GABRA4: variants seen among roughly 807,000 people sequenced by gnomAD.
GABRA4 encodes the protein gamma-aminobutyric acid receptor subunit alpha-4.
GABRA4 carries 12 observed loss-of-function variants against 49.7 expected under a neutral mutation model. The observed-to-expected ratio is 0.24, with a 90% CI of 0.15 to 0.39. The LOEUF is 0.39. Among genes scored for constraint, GABRA4 ranks in the 10% least tolerant of loss-of-function variants. The pLI, the probability that GABRA4 is intolerant of heterozygous loss-of-function variation, is 1.00. For synonymous variants in GABRA4, 288 were observed against 240.2 expected, an observed-to-expected ratio of 1.20 and a Z score of -1.84; for missense variants, 506 against 686.0, an observed-to-expected ratio of 0.74 and a Z score of 2.93.
In GABRA4 at chr4:46,988,109, C is replaced by T. The variant is rs540863820; in HGVS notation, c.205+4719G>A. 4.9e-4 allele frequency among the ~76,000 whole-genome samples: 75 copies of T among 152,244 alleles called. 1 individual carries two copies. Among genetic ancestry groups the T allele is most frequent in the African/African-American group, 1.7e-3 (71 of 41,568 alleles). ...TTTGTTCTCTCTGAGAATTACTTTT[C>T]TCTTACTCTTTTCATGTCTGACACC... On this transcript the variant is annotated intron_variant, in intron 2 of 8. Coordinates refer to ENST00000264318, the MANE Select transcript of GABRA4 (RefSeq NM_000809.4).
intron 2 of GABRA4, among the ~76,000 whole-genome samples, chr4:46,984,934 T>C (rs992828182): frequency 7.4e-4 from 113 of 152,112 alleles, no homozygotes; most frequent in African/African-American, 2.6e-3. Flanking sequence ...TTTCTTGATA[T>C]ATATGCAAAA....
intron 8 of GABRA4, among the ~76,000 whole-genome samples, chr4:46,942,174 G>C (rs755599770): frequency 6.6e-6 from 1 of 152,036 alleles, no homozygotes; most frequent in Non-Finnish European, 1.5e-5. Context: ...GGTGATACAA[G>C]TATAGAAAAA....
chr4:46,942,532 T>C (rs1721839976), intron 8 of GABRA4, among the ~76,000 whole-genome samples: 2 of 150,836 alleles, frequency 1.3e-5, no homozygotes, highest in Admixed American at 1.3e-4. Flanking sequence ...GGCTGAGGCA[T>C]GAGAATTGCT....
intron 2 of GABRA4, among the ~76,000 whole-genome samples, chr4:46,987,496 G>C (rs1344771358): frequency 6.6e-6 from 1 of 151,868 alleles, no homozygotes; most frequent in African/African-American, 2.4e-5. Flanking sequence ...AACTTATGAG[G>C]GCAGGAAATC....
At chr4:46,973,059 T>G (rs1170060546) in intron 6 of GABRA4, among the ~76,000 whole-genome samples, 2 of 151,812 alleles carry the variant, frequency 1.3e-5, no homozygotes, top group Non-Finnish European at 2.9e-5. Context: ...GCAAATACAT[T>G]GTACTTAAAC....
Position 46,927,845 on chromosome 4 carries a change from C to A in GABRA4, c.*380G>T. Reference sequence around the variant, plus strand: ...TAAACAATTCTGGTTAAGGGTAGTGCCACTGGGAAATTTAGGGTGGCAGGT... The same window carrying A: ...TAAACAATTCTGGTTAAGGGTAGTGACACTGGGAAATTTAGGGTGGCAGGT... On this transcript the variant is annotated 3_prime_UTR_variant, in exon 9 of 9. Transcript: ENST00000264318. 1 of 171,356 alleles carries A rather than the reference C, an allele frequency of 5.8e-6. No homozygotes were observed. Among genetic ancestry groups the A allele is most frequent in the Non-Finnish European group, 1.3e-5 (1 of 79,964 alleles). The allele number at this position is 171,356 out of a possible 1,614,324, so 10.6% of individuals were successfully genotyped here.
At chr4:46,971,712 A>G (rs1023231771) in intron 6 of GABRA4, among the ~76,000 whole-genome samples, 8 of 150,724 alleles carry the variant, frequency 5.3e-5, no homozygotes, top group African/African-American at 1.9e-4. Flanking sequence ...ACATATTTAT[A>G]TATAAATATA....
Position 46,923,646 on chromosome 4 carries a change from G to C in GABRA4, c.*4579C>G, listed in dbSNP as rs1721112617. On this transcript the variant is annotated 3_prime_UTR_variant, in exon 9 of 9. Coordinates refer to ENST00000264318, the MANE Select transcript of GABRA4 (RefSeq NM_000809.4). ...AAAGAAAAAATAAGAGATCTCAACT[G>C]TTCCACTACCTCTAGATTTGTGGCC... 1 of 152,084 alleles carries C rather than the reference G, an allele frequency of 6.6e-6. No homozygotes were observed. Among genetic ancestry groups the C allele is most frequent in the Non-Finnish European group, 1.5e-5 (1 of 68,010 alleles). The allele number at this position is 152,084 out of a possible 1,614,324, so 9.4% of individuals were successfully genotyped here. A position where few individuals can be genotyped will look rare whatever the true frequency, so the allele number is the denominator to read the frequency against.
chr4:46,928,218 A>G lies in GABRA4; in HGVS notation c.*7T>C, dbSNP rs752816038. 8 of 1,594,148 alleles carry G rather than the reference A, an allele frequency of 5.0e-6. No homozygotes were observed. Among genetic ancestry groups the G allele is most frequent in the Admixed American group, 3.4e-5 (2 of 58,206 alleles). The stretch of plus-strand genomic sequence containing the variant: ...TCATCTTTTAGCAAACTACTATAGC[A>G]ACGAAATTACATTAGACTTTCTGAT... On this transcript the variant is annotated 3_prime_UTR_variant, in exon 9 of 9. Coordinates refer to ENST00000264318, the MANE Select transcript of GABRA4 (RefSeq NM_000809.4).
rs1171065748 is a variant in GABRA4 at position 46,926,314 on chromosome 4, A to G, written c.*1911T>C. ...TACTCTTTATTAAATATATACATAT[A>G]TACAGGTGTTACTGGACCTAATTTT... On this transcript the variant is annotated 3_prime_UTR_variant, in exon 9 of 9. Coordinates refer to ENST00000264318, the MANE Select transcript of GABRA4 (RefSeq NM_000809.4). The G allele has an allele frequency of 6.6e-6, 1 of 151,946 alleles. No homozygotes were observed. The allele number at this position is 151,946 out of a possible 1,614,324, so 9.4% of individuals were successfully genotyped here. A position where few individuals can be genotyped will look rare whatever the true frequency, so the allele number is the denominator to read the frequency against.
chr4:46,987,504 A>G (rs1362517955), intron 2 of GABRA4, among the ~76,000 whole-genome samples: 2 of 152,102 alleles, frequency 1.3e-5, no homozygotes, highest in African/African-American at 4.8e-5. Context: ...AGGGCAGGAA[A>G]TCGTGCAGTC....
At chr4:46,984,859 C>T (rs1341253440) in intron 2 of GABRA4, among the ~76,000 whole-genome samples, 1 of 151,914 alleles carries the variant, frequency 6.6e-6, no homozygotes, top group Non-Finnish European at 1.5e-5. Context: ...TTTGTAAACT[C>T]ATCATGAAAA....
chr4:46,967,340 T>C (rs1006079334), intron 7 of GABRA4, among the ~76,000 whole-genome samples: 4 of 151,514 alleles, frequency 2.6e-5, no homozygotes, highest in Admixed American at 6.6e-5. Flanking sequence ...TAAGATTCCC[T>C]ATGTTACTTT....
chr4:46,921,378 A>G lies in GABRA4; in HGVS notation c.*6847T>C, dbSNP rs1489342430. The G allele has an allele frequency of 6.6e-6, 1 of 152,086 alleles. No homozygotes were observed. The highest frequency in any genetic ancestry group is 1.5e-5 in the Non-Finnish European group (1 of 67,968). 9.4% of individuals were successfully genotyped at this position (152,086 alleles called of 1,614,324 possible). ...GAAAAGTAAAGCCCAAGAGGGAAAA[A>G]TGAAAATACAAAGGAAAGGGAAGCA... is the stretch of plus-strand genomic sequence containing the variant. On this transcript the variant is annotated 3_prime_UTR_variant, in exon 9 of 9. Transcript: ENST00000264318.
chr4:46,950,126 T>C (rs1182682016), intron 8 of GABRA4, among the ~76,000 whole-genome samples: 2 of 152,150 alleles, frequency 1.3e-5, no homozygotes, highest in Non-Finnish European at 2.9e-5. Flanking sequence ...AGTGGGTTTC[T>C]TGCTTGCAGA....
chr4:46,964,054 A>G (rs1316283812), intron 8 of GABRA4, among the ~76,000 whole-genome samples: 1 of 151,924 alleles, frequency 6.6e-6, no homozygotes, highest in African/African-American at 2.4e-5. Flanking sequence ...TGTGGTACAT[A>G]TATACAGTGA....
At chr4:46,930,382 T>A (rs1222461365) in intron 8 of GABRA4, among the ~76,000 whole-genome samples, 5 of 152,066 alleles carry the variant, frequency 3.3e-5, no homozygotes, top group Non-Finnish European at 7.4e-5. Flanking sequence ...AGGATAGTAA[T>A]TAACTGATTA....
intron 2 of GABRA4, among the ~76,000 whole-genome samples, chr4:46,991,515 C>T (rs1234030802): frequency 6.6e-6 from 1 of 152,186 alleles, no homozygotes; most frequent in Non-Finnish European, 1.5e-5. Flanking sequence ...GTCCTGCTCC[C>T]CATTCTTACT....
intron 5 of GABRA4, among the ~76,000 whole-genome samples, chr4:46,975,280 C>G (rs1723101264): frequency 1.3e-5 from 2 of 151,942 alleles, no homozygotes; most frequent in Admixed American, 1.3e-4. Flanking sequence ...CTAAGAGCAC[C>G]TTATGAAACA....
Sources: gnomAD v4.1 joint callset for allele counts (sites outside exome capture counted in the v4.1 genomes callset) on GRCh38, gnomAD v4.1.1 for gene constraint, MANE v1.5 for transcripts, NCBI Gene and HGNC (gene_info 2026-07-23, HGNC 2026-07-21) for gene names.